SLIT1: variants seen among roughly 807,000 people sequenced by gnomAD.
SLIT1 encodes slit homolog 1 protein.
A neutral mutation model predicts 186.1 loss-of-function variants in SLIT1; 66 were observed. The ratio of observed to expected loss-of-function variants is 0.35; its 90% CI spans 0.29 to 0.44. The LOEUF is 0.44. Among genes scored for constraint, SLIT1 ranks in the 20% least tolerant of loss-of-function variants. The probability of loss-of-function intolerance (pLI) is 1.00; values close to 1 mark genes in which losing one functional copy is unlikely to be tolerated. For missense variants in SLIT1, 1,638 were observed against 2,037.4 expected, an observed-to-expected ratio of 0.80 and a Z score of 3.77; for synonymous variants, 761 against 833.8, an observed-to-expected ratio of 0.91 and a Z score of 1.50.
chr10:97,117,420 C>T (rs1362982063), intron 4 of SLIT1, among the ~76,000 whole-genome samples: 1 of 152,126 alleles, frequency 6.6e-6, no homozygotes, highest in Non-Finnish European at 1.5e-5. Context: ...TCGATATTTG[C>T]TTGATGTTTG....
In SLIT1 at chr10:97,021,597, C is replaced by T. The variant is rs888035317; in HGVS notation, c.2583-184G>A. Among the ~76,000 whole-genome samples the T allele has an allele frequency of 2.0e-5, 3 of 150,316 alleles. No individual in the cohort carries two copies. The highest frequency in any genetic ancestry group is 7.4e-5 in the African/African-American group (3 of 40,684). On this transcript the variant is annotated intron_variant, in intron 25 of 36. Coordinates refer to ENST00000266058, the MANE Select transcript of SLIT1 (RefSeq NM_003061.3). The surrounding 1 kb of genome is among the most constrained non-coding windows in gnomAD (Gnocchi z 4.5). ...TCTTTTTTTGAGATGGAGTGTCGCT[C>T]TGTCGCCCAGGCTGGAGTGCAGTGG...
intron 25 of SLIT1, among the ~76,000 whole-genome samples, chr10:97,023,434 G>A (rs1848518501): frequency 6.6e-6 from 1 of 152,022 alleles, no homozygotes; most frequent in South Asian, 2.1e-4. Flanking sequence ...GTCAGAGGAA[G>A]CACGTGTAAT....
intron 3 of SLIT1, among the ~76,000 whole-genome samples, chr10:97,158,369 A>G (rs7914013): frequency 0.67 from 101,920 of 151,948 alleles, 35,713 homozygotes; most frequent in Admixed American, 0.77. Flanking sequence ...TTTTTTCAAA[A>G]TGAAAATAGC....
intron 5 of SLIT1, among the ~76,000 whole-genome samples, 173 bp from the exon 6 acceptor site, chr10:97,065,049 T>C (rs1050249292): frequency 2.0e-5 from 3 of 152,184 alleles, no homozygotes; most frequent in Non-Finnish European, 4.4e-5. Flanking sequence ...AGGGTTTTTT[T>C]CTAATTTTCA....
At position 97,043,976 on chromosome 10, in the gene SLIT1, A is replaced by T. The variant is rs1403340361; in HGVS notation, c.1854-463T>A. 1.3e-5 allele frequency among the ~76,000 whole-genome samples: 2 copies of T among 152,012 alleles called. No homozygotes were observed. ...TGAGACCATGTCTACCCAGACCCGG[A>T]CCATCTCAGCCCTGGCACCTGCCTG... On this transcript the variant is annotated intron_variant, in intron 18 of 36. Coordinates refer to ENST00000266058, the MANE Select transcript of SLIT1 (RefSeq NM_003061.3). The surrounding 1 kb of genome is among the most constrained non-coding windows in gnomAD (Gnocchi z 7.0).
chr10:97,059,500 C>A lies in SLIT1; in HGVS notation c.1045G>T (p.Ala349Ser), dbSNP rs1848871848. The stretch of plus-strand genomic sequence containing the variant: ...CGGAGGCCCTGGAAGGCGTCGGGTG[C>A]AATCTCAGCGATCTGATTGTTGCTC... Reference protein sequence around the residue: ...DLSNNQIAEIAPDAFQGLRSL... With the variant: ...DLSNNQIAEISPDAFQGLRSL... The change falls in exon 11 of 37, where the codon GCA becomes TCA. Residue 349 changes from alanine to serine, a missense_variant. By Grantham distance (99) the Ala-to-Ser change is moderately conservative. Transcript: ENST00000266058. 1 of 1,613,706 alleles carries A rather than the reference C, an allele frequency of 6.2e-7. No homozygotes were observed. Among genetic ancestry groups the A allele is most frequent in the Admixed American group, 1.7e-5 (1 of 60,006 alleles).
intron 4 of SLIT1, among the ~76,000 whole-genome samples, chr10:97,151,098 G>T (rs1302296554): frequency 1.3e-5 from 2 of 152,120 alleles, no homozygotes; most frequent in Non-Finnish European, 2.9e-5. Flanking sequence ...CTCTCAAAGA[G>T]CACTGATGAC....
chr10:97,080,973 GC>G (rs1849098870), intron 4 of SLIT1, among the ~76,000 whole-genome samples: 1 of 152,198 alleles, frequency 6.6e-6, no homozygotes, highest in Non-Finnish European at 1.5e-5. Flanking sequence ...CTACTACGCT[GC>G]TCTTTGCTGG....
intron 4 of SLIT1, among the ~76,000 whole-genome samples, chr10:97,086,120 T>A (rs1849156580): frequency 6.6e-6 from 1 of 152,138 alleles, no homozygotes; most frequent in African/African-American, 2.4e-5. Context: ...CCCAAAGGAG[T>A]TACAACTTAT....
chr10:97,046,920 A>T (rs34511307), intron 17 of SLIT1, 71 bp downstream of exon 17: 68,657 of 1,552,880 alleles, frequency 0.044, 2,259 homozygotes, highest in Middle Eastern at 0.14. Context: ...AGCTGCCCCC[A>T]CCCTGGCATT....
chr10:97,162,154 T>C (rs1286400109), intron 3 of SLIT1, among the ~76,000 whole-genome samples: 1 of 152,246 alleles, frequency 6.6e-6, no homozygotes, highest in Non-Finnish European at 1.5e-5. Context: ...CTGTATTCTA[T>C]CCACATGCAA....
chr10:97,018,619 C>A lies in SLIT1; in HGVS notation c.2936G>T (p.Cys979Phe). The A allele has an allele frequency of 6.3e-7, 1 of 1,595,168 alleles. No homozygotes were observed. The highest frequency in any genetic ancestry group is 8.5e-7 in the Non-Finnish European group (1 of 1,171,006). The change falls in exon 28 of 37, where the codon TGC becomes TTC. Residue 979 changes from cysteine (C) to phenylalanine (F), a missense_variant. Transcript: ENST00000266058. ...GGCATCCTCGCCCTCCTGTGCATGG[C>A]AGGTGCCCCCATTTTCACAGGGGCC... ...SSGPCENGGT[C>F]HAQEGEDAPF...
chr10:97,009,098 C>T (rs747471974), intron 31 of SLIT1, among the ~76,000 whole-genome samples: 2 of 152,066 alleles, frequency 1.3e-5, no homozygotes, highest in South Asian at 2.1e-4. Context: ...AGGATGGTCT[C>T]GATCTCCTGA....
Position 97,099,557 on chromosome 10 carries a change from C to T in SLIT1, c.414-33471G>A, listed in dbSNP as rs902655379. On this transcript the variant is annotated intron_variant, in intron 4 of 36. Coordinates refer to ENST00000266058, the MANE Select transcript of SLIT1 (RefSeq NM_003061.3). Reference sequence around the variant, plus strand: ...TCTGTCTCTGGCTGCTGCTGGCTCACCTAGTGTCCATCTCTGCCTGTGGCC... The same window carrying T: ...TCTGTCTCTGGCTGCTGCTGGCTCATCTAGTGTCCATCTCTGCCTGTGGCC... 2.6e-5 allele frequency among the ~76,000 whole-genome samples: 4 copies of T among 152,218 alleles called. No homozygotes were observed. In the East Asian group the frequency reaches 5.8e-4, roughly 22 times the overall value.
At position 97,163,387 on chromosome 10, in the gene SLIT1, C is replaced by G. The variant is rs923070272; in HGVS notation, c.334G>C (p.Glu112Gln). 7 of 1,613,978 alleles carry G rather than the reference C, an allele frequency of 4.3e-6. No homozygotes were observed. The highest frequency in any genetic ancestry group is 1.7e-5 in the Admixed American group (1 of 60,010). Residue 112 changes from glutamate to glutamine, a missense_variant, in exon 3 of 37, where the codon GAG becomes CAG. Glu to Gln is a conservative substitution (Grantham distance 29). Transcript: ENST00000266058. ...CACCCTGCCAGGACTCACAGCCGCT[C>G]CAGCTCCTTCATGTCATCAAAAGCA... ...RGAFDDMKEL[E>Q]RLRLNRNQLH... is the part of the protein sequence containing the mutation.
At chr10:97,020,212 AC>A (rs1376975709) in intron 26 of SLIT1, among the ~76,000 whole-genome samples, 1 of 149,962 alleles carries the variant, frequency 6.7e-6, no homozygotes, top group Non-Finnish European at 1.5e-5. Context: ...GGCTCAAGCG[AC>A]CCTCCCACCT....
intron 1 of SLIT1, among the ~76,000 whole-genome samples, chr10:97,169,288 C>T (rs757623199): frequency 1.2e-4 from 18 of 152,314 alleles, no homozygotes; most frequent in Non-Finnish European, 2.2e-4. Flanking sequence ...CAGCCCAGCC[C>T]GCAGCCTGTG....
chr10:97,032,564 C>G (rs1477409328), intron 23 of SLIT1, among the ~76,000 whole-genome samples: 1 of 148,754 alleles, frequency 6.7e-6, no homozygotes. Flanking sequence ...GCGAGACTCC[C>G]CATCTCAAAA....
intron 4 of SLIT1, among the ~76,000 whole-genome samples, chr10:97,146,535 C>A (rs1196146143): frequency 2.0e-5 from 3 of 151,994 alleles, no homozygotes; most frequent in African/African-American, 7.2e-5. Context: ...GGCTCTGTGA[C>A]TACCCACACA....
Sources: allele counts gnomAD v4.1 joint callset (sites outside exome capture counted in the v4.1 genomes callset), GRCh38; gene constraint gnomAD v4.1.1; non-coding constraint Gnocchi (gnomAD v3.1); transcripts MANE v1.5; gene names NCBI Gene and HGNC (gene_info 2026-07-23, HGNC 2026-07-21).